TRPM2: variants seen among roughly 807,000 people sequenced by gnomAD.
TRPM2 encodes the protein transient receptor potential cation channel subfamily M member 2, also known as estrogen-responsive element-associated gene 1 protein.
A neutral mutation model predicts 174.0 loss-of-function variants in TRPM2; 161 were observed. That is an observed-to-expected ratio of 0.93 (90% confidence interval 0.81 to 1.05). TRPM2 has a LOEUF of 1.05. Among genes scored for constraint, TRPM2 ranks in the 50% least tolerant of loss-of-function variants. The pLI is 0.00. For synonymous variants in TRPM2, 954 were observed against 861.3 expected, an observed-to-expected ratio of 1.11 and a Z score of -1.88; for missense variants, 2,057 against 2,038.0, an observed-to-expected ratio of 1.01 and a Z score of -0.18.
chr21:44,384,974 C>T (rs1359207533), intron 9 of TRPM2, among the ~76,000 whole-genome samples: 4 of 152,186 alleles, frequency 2.6e-5, no homozygotes, highest in Non-Finnish European at 5.9e-5. Context: ...CAAAGACAGA[C>T]ACTACAAGAA....
chr21:44,357,768 C>A (rs1009086883), intron 2 of TRPM2, among the ~76,000 whole-genome samples: 1 of 152,210 alleles, frequency 6.6e-6, no homozygotes, highest in African/African-American at 2.4e-5. Context: ...GACGGAGAGA[C>A]GCTCCAAAAG....
At chr21:44,423,253 C>A in intron 22 of TRPM2, 1 of 239,702 alleles carries the variant, frequency 4.2e-6, no homozygotes. Context: ...AGACAAAAAC[C>A]AAATATTCCC....
intron 11 of TRPM2, among the ~76,000 whole-genome samples, chr21:44,393,903 G>C (rs575839295): frequency 6.6e-6 from 1 of 152,056 alleles, no homozygotes; most frequent in Admixed American, 6.6e-5. Flanking sequence ...ACAAAGTTTT[G>C]CTCTTGTTGC....
chr21:44,410,140 C>T (rs1004245024), intron 19 of TRPM2, among the ~76,000 whole-genome samples: 2 of 82,094 alleles, frequency 2.4e-5, no homozygotes, highest in African/African-American at 3.9e-5. Context: ...TTTGACCGCA[C>T]TGTCTTGGTG....
chr21:44,418,397 CCTGGT>C (rs1393516521), intron 21 of TRPM2, 21 bp from the exon 22 acceptor site: 4 of 1,612,060 alleles, frequency 2.5e-6, no homozygotes, highest in Non-Finnish European at 3.4e-6. Flanking sequence ...TTCCAGGTCC[CCTGGT>C]CTGTCCGCCC....
chr21:44,365,142 T>C (rs58371572), intron 3 of TRPM2, among the ~76,000 whole-genome samples: 2 of 150,416 alleles, frequency 1.3e-5, no homozygotes, highest in Non-Finnish European at 1.5e-5. Context: ...TTCTGAGACT[T>C]GCGTGTTGAC....
intron 15 of TRPM2, 49 bp downstream of exon 15, chr21:44,400,420 GGAGA>G (rs1428751895): frequency 2.0e-6 from 3 of 1,528,346 alleles, no homozygotes; most frequent in Admixed American, 3.5e-5. Flanking sequence ...CGGGGCTGCG[GGAGA>G]GGCTCCTGGG....
chr21:44,399,179 C>A lies in TRPM2; in HGVS notation c.2063-117C>A. ...TTTGAGACACCAGCCCCACATTTGC[C>A]CTGTGCCCTTCCCTGTGTCCTGGTG... is the stretch of plus-strand genomic sequence containing the variant. On this transcript the variant is annotated intron_variant, in intron 13 of 31. Coordinates refer to ENST00000397928, the MANE Select transcript of TRPM2 (RefSeq NM_003307.4). The surrounding 1 kb of genome is among the most constrained non-coding windows in gnomAD (Gnocchi z 4.6). The A allele has an allele frequency of 2.2e-6, 3 of 1,370,960 alleles. No homozygotes were observed. Among genetic ancestry groups the A allele is most frequent in the Non-Finnish European group, 2.9e-6 (3 of 1,020,982 alleles). 84.9% of individuals were successfully genotyped at this position (1,370,960 alleles called of 1,614,324 possible). A position where few individuals can be genotyped will look rare whatever the true frequency, so the allele number is the denominator to read the frequency against.
chr21:44,406,050 G>T lies in TRPM2; in HGVS notation c.2790+13G>T. The T allele has an allele frequency of 6.2e-7, 1 of 1,603,152 alleles. No individual in the cohort carries two copies. The highest frequency in any genetic ancestry group is 8.5e-7 in the Non-Finnish European group (1 of 1,179,450). On this transcript the variant is annotated intron_variant, in intron 18 of 31. Transcript: ENST00000397928. ...TGTGAAGCGGATGGTAAGGGGGCGG[G>T]GGCACCGGCTCCATCGCGGCCTGCA...
intron 22 of TRPM2, among the ~76,000 whole-genome samples, chr21:44,419,644 TTGGTGA>T (rs2050453986): frequency 7.1e-6 from 1 of 141,336 alleles, no homozygotes; most frequent in Non-Finnish European, 1.5e-5. Flanking sequence ...GGTGGTGGTG[TTGGTGA>T]TGGTGGTAGT....
In TRPM2 at chr21:44,412,534, C is replaced by CT. The variant is rs565639542; in HGVS notation, c.2963-1352dup. 3.6e-4 allele frequency among the ~76,000 whole-genome samples: 55 copies of CT among 151,988 alleles called. No individual in the cohort carries two copies. The East Asian group carries it at 0.01, about 28-fold the overall frequency. On this transcript the variant is annotated intron_variant, in intron 19 of 31. Coordinates refer to ENST00000397928, the MANE Select transcript of TRPM2 (RefSeq NM_003307.4). ...CAAGGTGGTAATTATTTTTGTTGCTCTTTTTCAAGAACTGAGTTTGGTTTG... is the reference window on the plus strand; with the variant it reads ...CAAGGTGGTAATTATTTTTGTTGCTCTTTTTTCAAGAACTGAGTTTGGTTTG...
chr21:44,422,628 T>G (rs961388448), intron 22 of TRPM2, among the ~76,000 whole-genome samples: 2 of 152,152 alleles, frequency 1.3e-5, no homozygotes, highest in African/African-American at 4.8e-5. Flanking sequence ...TGAAAGGAAG[T>G]GAGGGAGCCC....
In TRPM2 at chr21:44,426,929, TG is replaced by T. The variant is rs113213016; in HGVS notation, c.3873-74del. ...TGCAGCTACTCGGCTGGGCCCTTGG[TG>T]GGGGGGTGATCCCTCTGCCTGTCTG... is the stretch of plus-strand genomic sequence containing the variant. On this transcript the variant is annotated intron_variant, in intron 26 of 31. Coordinates refer to ENST00000397928, the MANE Select transcript of TRPM2 (RefSeq NM_003307.4). 3,230 of 1,447,050 alleles carry T rather than the reference TG, an allele frequency of 2.2e-3. 81 individuals carry two copies. The African/African-American group carries it at 0.04, about 18-fold the overall frequency. 89.6% of individuals were successfully genotyped at this position (1,447,050 alleles called of 1,614,324 possible).
intron 22 of TRPM2, chr21:44,423,268 C>T (rs2050616822): frequency 3.9e-6 from 1 of 258,834 alleles, no homozygotes; most frequent in Admixed American, 4.6e-5. Context: ...ATTCCCCAAG[C>T]AACAGTGCCG....
At chr21:44,390,644 G>A (rs1490665232) in intron 9 of TRPM2, among the ~76,000 whole-genome samples, 1 of 152,188 alleles carries the variant, frequency 6.6e-6, no homozygotes, top group Non-Finnish European at 1.5e-5. Context: ...GCCAGGGCAT[G>A]GCCAGGAGGA....
At chr21:44,390,192 T>C (rs1171881957) in intron 9 of TRPM2, among the ~76,000 whole-genome samples, 3 of 152,284 alleles carry the variant, frequency 2.0e-5, no homozygotes, top group Non-Finnish European at 4.4e-5. Flanking sequence ...TTTTTCTTTA[T>C]GGTTCATGTT....
At chr21:44,405,304 G>T in intron 17 of TRPM2, 44 bp downstream of exon 17, 1 of 1,607,206 alleles carries the variant, frequency 6.2e-7, no homozygotes. Context: ...GAGGCAGCCA[G>T]CCCTGCAGGG....
chr21:44,410,961 T>C (rs1250867210), intron 19 of TRPM2, among the ~76,000 whole-genome samples: 2 of 150,418 alleles, frequency 1.3e-5, no homozygotes, highest in Non-Finnish European at 3.0e-5. Flanking sequence ...AGCGTAGCCT[T>C]ATAGTAAGTT....
At chr21:44,403,631 A>G (rs1299997016) in intron 16 of TRPM2, among the ~76,000 whole-genome samples, 3 of 151,876 alleles carry the variant, frequency 2.0e-5, no homozygotes, top group African/African-American at 7.2e-5. Flanking sequence ...ATTCATGCAT[A>G]TGTATACACA....
Sources: gnomAD v4.1 joint callset for allele counts (sites outside exome capture counted in the v4.1 genomes callset) on GRCh38, gnomAD v4.1.1 for gene constraint, Gnocchi (gnomAD v3.1) non-coding constraint, MANE v1.5 for transcripts, NCBI Gene and HGNC (gene_info 2026-07-23, HGNC 2026-07-21) for gene names.